TBCK: variants seen among roughly 807,000 people sequenced by gnomAD.
TBCK encodes the protein TBC1 domain containing kinase, also known as TBC domain-containing protein kinase-like protein.
Under a neutral mutation model 113.4 loss-of-function variants are expected in TBCK, and 99 were observed. The ratio of observed to expected loss-of-function variants is 0.87; its 90% CI spans 0.74 to 1.03. TBCK has a LOEUF of 1.03. Ranked by LOEUF, TBCK falls within the 50% of genes least tolerant of loss-of-function variation. The pLI is 0.00. For synonymous variants in TBCK, 369 were observed against 370.8 expected, an observed-to-expected ratio of 1.00 and a Z score of 0.05; for missense variants, 1,045 against 1,061.3, an observed-to-expected ratio of 0.98 and a Z score of 0.21.
At position 106,235,315 on chromosome 4, in the gene TBCK, G is replaced by C; in HGVS notation, c.1403C>G (p.Pro468Arg). ...QIWKEARVDI[P>R]PLMRGLTWAA... ...CCAGGTTAAACCTCTCATAAGAGGAGGAATGTCAACTCTTGCTTCTTTCCA... is the reference window on the plus strand; with the variant it reads ...CCAGGTTAAACCTCTCATAAGAGGACGAATGTCAACTCTTGCTTCTTTCCA... The change falls in exon 15 of 26, where the codon CCT (proline) becomes CGT (arginine). Residue 468 changes from proline to arginine, a missense_variant. By Grantham distance (103) the Pro-to-Arg change is moderately radical. Coordinates refer to ENST00000394708, the MANE Select transcript of TBCK (RefSeq NM_001163435.3). 6.2e-7 allele frequency: 1 copy of C among 1,610,856 alleles called. No individual in the cohort carries two copies. The highest frequency in any genetic ancestry group is 8.5e-7 in the Non-Finnish European group (1 of 1,178,544).
intron 3 of TBCK, among the ~76,000 whole-genome samples, chr4:106,264,235 T>G (rs1762766278): frequency 1.0e-4 from 2 of 19,788 alleles, no homozygotes; most frequent in Admixed American, 2.7e-4. Context: ...ATGTAGTGAT[T>G]AAATGAAGAA....
chr4:106,231,703 A>G, intron 18 of TBCK, 26 bp downstream of exon 18: 1 of 1,586,596 alleles, frequency 6.3e-7, no homozygotes, highest in Non-Finnish European at 8.6e-7. Context: ...ATGCGCAATG[A>G]TTATTTAAAT....
chr4:106,159,160 C>T (rs1749459665), intron 23 of TBCK, among the ~76,000 whole-genome samples: 1 of 151,818 alleles, frequency 6.6e-6, no homozygotes, highest in South Asian at 2.1e-4. Context: ...CAATAAAAGT[C>T]ATATATGAAA....
chr4:106,200,690 G>A (rs952843463), intron 20 of TBCK, among the ~76,000 whole-genome samples: 3 of 151,644 alleles, frequency 2.0e-5, no homozygotes, highest in Non-Finnish European at 4.4e-5. Flanking sequence ...TAGAATATGA[G>A]GTCAGATATT....
intron 23 of TBCK, among the ~76,000 whole-genome samples, chr4:106,138,171 A>G (rs1746785852): frequency 2.1e-5 from 3 of 141,396 alleles, no homozygotes; most frequent in Non-Finnish European, 4.8e-5. Context: ...GTTGATCTGT[A>G]ATGCCAGTAT....
chr4:106,117,604 A>G (rs909947009), intron 23 of TBCK, among the ~76,000 whole-genome samples: 1 of 152,216 alleles, frequency 6.6e-6, no homozygotes, highest in African/African-American at 2.4e-5. Context: ...TTAGTAGAAG[A>G]AGGATGAGCC....
chr4:106,175,551 A>C (rs10000428), intron 22 of TBCK, among the ~76,000 whole-genome samples: 3 of 151,538 alleles, frequency 2.0e-5, no homozygotes, highest in Non-Finnish European at 2.9e-5. Context: ...ATATGACCAT[A>C]GGAGGGGCCT....
At chr4:106,316,532 G>T, upstream of TBCK, 2 of 1,551,464 alleles carry the variant, frequency 1.3e-6, no homozygotes, top group Non-Finnish European at 1.7e-6. Flanking sequence ...TATAGTACGC[G>T]GGTGGCTGGA....
intron 3 of TBCK, among the ~76,000 whole-genome samples, chr4:106,266,600 T>C (rs1162620503): frequency 6.6e-6 from 1 of 151,858 alleles, no homozygotes; most frequent in African/African-American, 2.4e-5. Context: ...TGAACATGCA[T>C]ACCAAAATAA....
At chr4:106,175,191 TGTTTAA>T (rs889536814) in intron 22 of TBCK, among the ~76,000 whole-genome samples, 2 of 151,818 alleles carry the variant, frequency 1.3e-5, no homozygotes, top group African/African-American at 2.4e-5. Context: ...TTCATTGTTA[TGTTTAA>T]AAGTTCTGTT....
At chr4:106,307,963 A>T (rs1767712205) in intron 2 of TBCK, among the ~76,000 whole-genome samples, 1 of 148,304 alleles carries the variant, frequency 6.7e-6, no homozygotes, top group African/African-American at 2.5e-5. Context: ...AATGGAGTTT[A>T]AAAAAAAAAA....
At chr4:106,251,170 C>T in intron 6 of TBCK, 1 of 381,620 alleles carries the variant, frequency 2.6e-6, no homozygotes, top group South Asian at 2.1e-5. Flanking sequence ...CTACTTAATA[C>T]CACCTGAAGT....
At chr4:106,103,917 C>T (rs1189527360) in intron 24 of TBCK, among the ~76,000 whole-genome samples, 1 of 152,140 alleles carries the variant, frequency 6.6e-6, no homozygotes, top group Non-Finnish European at 1.5e-5. Context: ...GGATACTCCC[C>T]CACCCAAGGG....
intron 5 of TBCK, among the ~76,000 whole-genome samples, chr4:106,254,773 C>A (rs1458627327): frequency 2.0e-5 from 3 of 152,068 alleles, no homozygotes; most frequent in African/African-American, 7.2e-5. Context: ...CAGCCGTATA[C>A]TAAATCAAAT....
chr4:106,232,898 T>C (rs894662946), intron 17 of TBCK, 40 bp downstream of exon 17: 1 of 1,570,096 alleles, frequency 6.4e-7, no homozygotes, highest in African/African-American at 1.4e-5. Flanking sequence ...GCAACAATTT[T>C]CTAATACTCC....
chr4:106,281,916 C>T (rs1156641941), intron 3 of TBCK, among the ~76,000 whole-genome samples: 7 of 151,984 alleles, frequency 4.6e-5, no homozygotes, highest in East Asian at 3.9e-4. Context: ...ATATTGGCCT[C>T]GTAGAATGAG....
chr4:106,256,346 C>T (rs868431434), intron 5 of TBCK, among the ~76,000 whole-genome samples: 2 of 152,314 alleles, frequency 1.3e-5, no homozygotes, highest in Non-Finnish European at 1.5e-5. Context: ...CACTGAGCTG[C>T]CCTCAGCCCC....
intron 25 of TBCK, among the ~76,000 whole-genome samples, chr4:106,088,672 G>T (rs1739801711): frequency 6.6e-6 from 1 of 151,662 alleles, no homozygotes; most frequent in Non-Finnish European, 1.5e-5. Context: ...CACTATTTAT[G>T]CCCATCAATG....
intron 20 of TBCK, among the ~76,000 whole-genome samples, chr4:106,208,011 T>C (rs72891658): frequency 6.6e-6 from 1 of 152,094 alleles, no homozygotes; most frequent in African/African-American, 2.4e-5. Flanking sequence ...TTTGTAATGA[T>C]GATTAGAGGA....
Sources: allele counts gnomAD v4.1 joint callset (sites outside exome capture counted in the v4.1 genomes callset), GRCh38; gene constraint gnomAD v4.1.1; transcripts MANE v1.5; gene names NCBI Gene and HGNC (gene_info 2026-07-23, HGNC 2026-07-21).